The following EBNA1BP2 variants were observed in gnomAD, a reference collection of about 807,000 sequenced individuals.
The protein encoded by EBNA1BP2 is probable rRNA-processing protein EBP2.
Under a neutral mutation model 43.5 loss-of-function variants are expected in EBNA1BP2, and 36 were observed. That is an observed-to-expected ratio of 0.83 (90% CI 0.63 to 1.09). The LOEUF (loss-of-function observed/expected upper bound fraction) is 1.09. EBNA1BP2 is among the 50% of genes least tolerant of loss of function. The probability of loss-of-function intolerance (pLI) is 0.00; values close to 1 mark genes in which losing one functional copy is unlikely to be tolerated. For synonymous variants in EBNA1BP2, 127 were observed against 141.3 expected (o/e 0.90, Z 0.72); for missense variants, 332 against 379.1 (o/e 0.88, Z 1.03).
intron 7 of EBNA1BP2, among the ~76,000 whole-genome samples, chr1:43,165,470 C>T (rs1279460884): frequency 6.6e-6 from 1 of 152,172 alleles, no homozygotes. Flanking sequence ...ATACCCAATT[C>T]AATTACTGAG....
Position 43,170,884 on chromosome 1 carries a change from G to T in EBNA1BP2, c.324-5C>A. ...GCGGCCTGGGCTTGGCGATAGCTGAGAATCGTAGGACAAAATGTGTAATGA... is the reference window on the plus strand; with the variant it reads ...GCGGCCTGGGCTTGGCGATAGCTGATAATCGTAGGACAAAATGTGTAATGA... On this transcript the variant is annotated splice_polypyrimidine_tract_variant and splice_region_variant and intron_variant, in intron 3 of 8. Coordinates refer to ENST00000236051, the MANE Select transcript of EBNA1BP2 (RefSeq NM_006824.3). 6.4e-7 allele frequency: 1 copy of T among 1,564,944 alleles called. No individual in the cohort carries two copies. The highest frequency in any genetic ancestry group is 1.2e-5 in the South Asian group (1 of 82,162).
upstream of EBNA1BP2, chr1:43,172,437 C>G (rs748599649): frequency 3.2e-6 from 5 of 1,549,722 alleles, no homozygotes; most frequent in South Asian, 4.8e-5. Flanking sequence ...GTCTGCTGAC[C>G]CAGAGAGAAA....
At position 43,171,207 on chromosome 1, in the gene EBNA1BP2, G is replaced by A. The variant is rs971463486; in HGVS notation, c.323+272C>T. The A allele has an allele frequency of 3.1e-5, 14 of 451,194 alleles. No homozygotes were observed. In the Admixed American group the frequency reaches 3.4e-4, roughly 11 times the overall value. 27.9% of individuals were successfully genotyped at this position (451,194 alleles called of 1,614,324 possible). Reference sequence around the variant, plus strand: ...CACACAAGAACATCCCATAAGCAATGTTTGTTTGTTTGTTTTCCTAATAAC... The same window carrying A: ...CACACAAGAACATCCCATAAGCAATATTTGTTTGTTTGTTTTCCTAATAAC... On this transcript the variant is annotated intron_variant, in intron 3 of 8. Transcript: ENST00000236051.
intron 3 of EBNA1BP2, 118 bp downstream of exon 3, chr1:43,171,361 A>G: frequency 3.1e-6 from 4 of 1,286,862 alleles, no homozygotes; most frequent in Non-Finnish European, 3.1e-6. Context: ...TCTTAGTCAA[A>G]AGAAGCCGCT....
At chr1:43,166,986 A>G (rs1381051739) in intron 6 of EBNA1BP2, 67 bp from the exon 7 acceptor site, 59 of 1,555,714 alleles carry the variant, frequency 3.8e-5, no homozygotes, top group Non-Finnish European at 4.8e-5. Context: ...AAACCACCAT[A>G]TGAGGCTGTT....
intron 5 of EBNA1BP2, among the ~76,000 whole-genome samples, chr1:43,168,340 T>A (rs1644931769): frequency 6.6e-6 from 1 of 152,226 alleles, no homozygotes. Context: ...CTTTAAAATC[T>A]GTCATCTTCT....
intron 5 of EBNA1BP2, among the ~76,000 whole-genome samples, chr1:43,167,602 A>G (rs1031531532): frequency 2.0e-5 from 3 of 152,198 alleles, no homozygotes; most frequent in African/African-American, 7.2e-5. Flanking sequence ...GAAGTAAATC[A>G]TGTTTAAGAC....
chr1:43,172,409 C>A (rs1262642019), upstream of EBNA1BP2: 1 of 1,551,344 alleles, frequency 6.4e-7, no homozygotes, highest in Non-Finnish European at 8.7e-7. Flanking sequence ...ACAGGTAGCG[C>A]CTCTGGATAC....
At chr1:43,169,908 C>T (rs538222318) in intron 4 of EBNA1BP2, among the ~76,000 whole-genome samples, 3 of 152,126 alleles carry the variant, frequency 2.0e-5, no homozygotes, top group African/African-American at 7.2e-5. Context: ...TGGAACTATG[C>T]ATGCAAAGGA....
intron 6 of EBNA1BP2, 97 bp downstream of exon 6, chr1:43,167,063 C>T: frequency 6.7e-7 from 1 of 1,500,442 alleles, no homozygotes; most frequent in Non-Finnish European, 9.3e-7. Flanking sequence ...TTTGATCCGA[C>T]AGGTCCACAT....
intron 5 of EBNA1BP2, among the ~76,000 whole-genome samples, chr1:43,167,884 C>T (rs1569723864): frequency 6.6e-6 from 1 of 152,070 alleles, no homozygotes; most frequent in Non-Finnish European, 1.5e-5. Context: ...CCTCTACCTA[C>T]TAGATGCCAG....
At position 43,164,853 on chromosome 1, in the gene EBNA1BP2, T is replaced by C. The variant is rs186044867; in HGVS notation, c.708-48A>G. The C allele has an allele frequency of 3.8e-6, 6 of 1,599,944 alleles. No individual in the cohort carries two copies. The Admixed American group carries it at 1.0e-4, about 28-fold the overall frequency. On this transcript the variant is annotated intron_variant, in intron 7 of 8. Coordinates refer to ENST00000236051, the MANE Select transcript of EBNA1BP2 (RefSeq NM_006824.3). ...ATCACTACAGCACTGTAAAGCCTGA[T>C]GAACCTGATGGCCCAGCAATGCTCT... is the stretch of plus-strand genomic sequence containing the variant.
At chr1:43,168,878 C>A in intron 5 of EBNA1BP2, 61 bp downstream of exon 5, 1 of 1,549,784 alleles carries the variant, frequency 6.5e-7, no homozygotes, top group Non-Finnish European at 8.9e-7. Context: ...AGTCAGACCA[C>A]GGCAATCTCA....
At position 43,171,504 on chromosome 1, in the gene EBNA1BP2, C is replaced by T. The variant is rs765807678; in HGVS notation, c.298G>A (p.Asp100Asn). The T allele has an allele frequency of 6.2e-7, 1 of 1,610,300 alleles. No individual in the cohort carries two copies. Among genetic ancestry groups the T allele is most frequent in the African/African-American group, 1.3e-5 (1 of 74,514 alleles). The change falls in exon 3 of 9, where the codon GAC becomes AAC. Residue 100 changes from aspartate to asparagine, a missense_variant. Physicochemically the swap from Asp to Asn is conservative, Grantham distance 23 (BLOSUM62 1). Transcript: ENST00000236051. ...NKDQKAVDPEDDFQREMSFYR... is the reference protein window; with the variant it reads ...NKDQKAVDPENDFQREMSFYR... Reference sequence around the variant, plus strand: ...AAACTCATCTCTCGCTGGAAGTCGTCTTCTGGATCAACAGCTTTCTGGTCC... The same window carrying T: ...AAACTCATCTCTCGCTGGAAGTCGTTTTCTGGATCAACAGCTTTCTGGTCC...
upstream of EBNA1BP2, chr1:43,172,442 G>C: frequency 1.3e-6 from 2 of 1,549,176 alleles, no homozygotes; most frequent in South Asian, 2.4e-5. Context: ...CTGACCCAGA[G>C]AGAAACGAAA....
At chr1:43,172,376 T>C, upstream of EBNA1BP2, 2 of 1,551,520 alleles carry the variant, frequency 1.3e-6, no homozygotes, top group Non-Finnish European at 1.7e-6. Context: ...CGTTTGAAAG[T>C]GTCCGGGTTG....
rs1644973707 is a variant in EBNA1BP2 at position 43,171,636 on chromosome 1, A to G, written c.166T>C (p.Cys56Arg). Residue 56 changes from cysteine (C) to arginine (R), a missense_variant, in exon 3 of 9, where the codon TGT becomes CGT. Cys to Arg is a radical substitution (Grantham distance 180, BLOSUM62 -3). This residue lies in a region of EBNA1BP2 where 182 missense variants were observed against 173.7 expected (regional missense o/e 1.05). Transcript: ENST00000236051. ...AGATCCCGCTTGAATTCTGCCAAACATTGCTTCAGGCCATTCTAGGAAATC... is the reference window on the plus strand; with the variant it reads ...AGATCCCGCTTGAATTCTGCCAAACGTTGCTTCAGGCCATTCTAGGAAATC... The part of the protein sequence containing the change: ...AVNDVNGLKQ[C>R]LAEFKRDLEW... 1 of 1,613,772 alleles carries G rather than the reference A, an allele frequency of 6.2e-7. No homozygotes were observed. The highest frequency in any genetic ancestry group is 1.1e-5 in the South Asian group (1 of 91,020).
At position 43,168,961 on chromosome 1, in the gene EBNA1BP2, G is replaced by T; in HGVS notation, c.515C>A (p.Ala172Glu). Reference sequence around the variant, plus strand: ...CACCTTCTTCCCGTATTTCCTAAGTGCTCGCAGTTGCTTAGCTTTTTCAGA... The same window carrying T: ...CACCTTCTTCCCGTATTTCCTAAGTTCTCGCAGTTGCTTAGCTTTTTCAGA... The part of the protein sequence containing the change: ...ERSEKAKQLR[A>E]LRKYGKKVQT... The change falls in exon 5 of 9, where the codon GCA becomes GAA. Residue 172 changes from alanine (A) to glutamate (E), a missense_variant. Transcript: ENST00000236051. 1 of 1,614,052 alleles carries T rather than the reference G, an allele frequency of 6.2e-7. No individual in the cohort carries two copies.
Position 43,164,689 on chromosome 1 carries a change from G to A in EBNA1BP2, c.824C>T (p.Thr275Ile), listed in dbSNP as rs1286235008. 1.2e-6 allele frequency: 2 copies of A among 1,614,132 alleles called. No homozygotes were observed. The highest frequency in any genetic ancestry group is 1.7e-6 in the Non-Finnish European group (2 of 1,180,052). Reference sequence around the variant, plus strand: ...CCTCTTGAGGCCTCTGCCATGAGCTGTCTTGGCCCGGAAGCTAGATACATC... The same window carrying A: ...CCTCTTGAGGCCTCTGCCATGAGCTATCTTGGCCCGGAAGCTAGATACATC... Reference protein sequence around the residue: ...YDDVSSFRAKTAHGRGLKRPG... With the variant: ...YDDVSSFRAKIAHGRGLKRPG... Residue 275 changes from threonine (T) to isoleucine (I), a missense_variant, in exon 8 of 9, where the codon ACA (threonine) becomes ATA (isoleucine). Coordinates refer to ENST00000236051, the MANE Select transcript of EBNA1BP2 (RefSeq NM_006824.3).
Sources: allele counts gnomAD v4.1 joint callset (sites outside exome capture counted in the v4.1 genomes callset), GRCh38; gene constraint gnomAD v4.1.1; regional missense constraint gnomAD v4.1.1; transcripts MANE v1.5; gene names NCBI Gene and HGNC (gene_info 2026-07-23, HGNC 2026-07-21).